Variants in MCCC1 observed in about 807,000 individuals in gnomAD.
MCCC1 encodes the protein methylcrotonoyl-CoA carboxylase subunit alpha, mitochondrial.
Under a neutral mutation model 83.8 loss-of-function variants are expected in MCCC1, and 64 were observed. That is an observed-to-expected ratio of 0.76 (90% confidence interval 0.62 to 0.94). MCCC1 has a LOEUF of 0.94. MCCC1 is among the 40% of genes least tolerant of loss of function. MCCC1 has a pLI of 0.00. For synonymous variants in MCCC1, 322 were observed against 315.4 expected (o/e 1.02, Z -0.22); for missense variants, 807 against 904.7 (o/e 0.89, Z 1.39).
Position 183,105,689 on chromosome 3 carries a change from G to A in MCCC1, c.-102+9785C>T, listed in dbSNP as rs1316677389. ...CATAATCAAAAAGGAGTCACTAATG[G>A]TAAAAAAGAAGAAAGAAAAAAAAAA... On this transcript the variant is annotated intron_variant, in intron 1 of 17. Coordinates refer to the MCCC1 transcript ENST00000492597. Among the ~76,000 whole-genome samples the A allele has an allele frequency of 2.0e-5, 3 of 151,686 alleles. No homozygotes were observed. The East Asian group carries it at 5.8e-4, about 29-fold the overall frequency.
At chr3:183,034,470 C>A (rs6443843) in intron 13 of MCCC1, among the ~76,000 whole-genome samples, 114,537 of 132,482 alleles carry the variant, frequency 0.86, 50,204 homozygotes, top group East Asian at 0.98. Flanking sequence ...AAAAAAAAAA[C>A]AAAAAAACAC....
chr3:183,040,801 G>A (rs1347701284), intron 11 of MCCC1, among the ~76,000 whole-genome samples: 1 of 152,130 alleles, frequency 6.6e-6, no homozygotes, highest in African/African-American at 2.4e-5. Context: ...TCTTACCCCT[G>A]AGAATTGCTA....
intron 5 of MCCC1, 29 bp downstream of exon 5, chr3:183,072,337 G>T (rs745875604): frequency 6.2e-7 from 1 of 1,611,858 alleles, no homozygotes; most frequent in South Asian, 1.1e-5. Flanking sequence ...CCTTCATACA[G>T]TTATATTTTA....
intron 16 of MCCC1, 73 bp from the exon 17 acceptor site, chr3:183,020,310 A>G: frequency 8.3e-7 from 1 of 1,205,770 alleles, no homozygotes; most frequent in Non-Finnish European, 1.2e-6. Flanking sequence ...ACCTGAGGTA[A>G]TAATTGTTTC....
At chr3:183,039,945 A>G (rs776096103) in intron 11 of MCCC1, among the ~76,000 whole-genome samples, 87 of 151,746 alleles carry the variant, frequency 5.7e-4, no homozygotes, top group Non-Finnish European at 1.1e-3. Context: ...AAATACAAAA[A>G]ATTAGCCGGG....
At chr3:183,017,600 CAG>C in intron 17 of MCCC1, 1 of 481,926 alleles carries the variant, frequency 2.1e-6, no homozygotes, top group Non-Finnish European at 3.7e-6. Flanking sequence ...CTGGTCAAAT[CAG>C]AGGCCTACAG....
chr3:183,034,943 AAC>A (rs1236480983), intron 13 of MCCC1, among the ~76,000 whole-genome samples: 7 of 152,004 alleles, frequency 4.6e-5, no homozygotes, highest in Non-Finnish European at 8.8e-5. Context: ...ACAGCTGGCT[AAC>A]TTTTCTATTT....
chr3:183,071,451 G>A (rs1444490745), intron 5 of MCCC1, 94 bp from the exon 6 acceptor site: 1 of 1,560,030 alleles, frequency 6.4e-7, no homozygotes. Context: ...AAATTACAAT[G>A]GAACTCTTTA....
chr3:183,059,191 C>A (rs1715646941), intron 7 of MCCC1, among the ~76,000 whole-genome samples: 1 of 152,154 alleles, frequency 6.6e-6, no homozygotes, highest in South Asian at 2.1e-4. Flanking sequence ...CCTGTAATCC[C>A]AGCTAATCAG....
At chr3:183,103,939 G>A (rs555543246), upstream of MCCC1, among the ~76,000 whole-genome samples, 4 of 152,334 alleles carry the variant, frequency 2.6e-5, no homozygotes, top group South Asian at 8.3e-4. Flanking sequence ...AGCGCCGGTG[G>A]GCCGGCACTG....
intron 9 of MCCC1, 66 bp from the exon 10 acceptor site, chr3:183,045,606 T>G: frequency 6.4e-7 from 1 of 1,554,678 alleles, no homozygotes; most frequent in Non-Finnish European, 8.9e-7. Context: ...AAATCTTCCA[T>G]GATGCATCAC....
intron 9 of MCCC1, among the ~76,000 whole-genome samples, chr3:183,051,056 T>C (rs1714938019): frequency 6.6e-6 from 1 of 152,220 alleles, no homozygotes. Flanking sequence ...AGGAAACCTC[T>C]TTTGTTGCTG....
intron 14 of MCCC1, among the ~76,000 whole-genome samples, chr3:183,027,265 C>G (rs1712688572): frequency 6.6e-6 from 1 of 152,138 alleles, no homozygotes; most frequent in Non-Finnish European, 1.5e-5. Flanking sequence ...TCCCTATTCC[C>G]TGAGGCAATA....
rs558027505 is a variant in MCCC1, at chr3:183,087,367, G to C, written c.274-579C>G. Among the ~76,000 whole-genome samples, 10 of 152,330 alleles carry C rather than the reference G, an allele frequency of 6.6e-5. No individual in the cohort carries two copies. The South Asian group carries it at 8.3e-4, about 13-fold the overall frequency. On this transcript the variant is annotated intron_variant, in intron 3 of 18. Transcript: ENST00000265594. ...GAAGGCCTACTACGTGCCACACTTT[G>C]AGGTGGGAGCTGCCTGTACCATAGT...
intron 13 of MCCC1, 62 bp downstream of exon 13, chr3:183,037,156 A>T (rs1713678474): frequency 6.7e-7 from 1 of 1,497,846 alleles, no homozygotes; most frequent in Non-Finnish European, 9.3e-7. Context: ...CAGAAAGAAA[A>T]GCATGTTCAA....
chr3:183,103,309 T>A (rs148973779), upstream of MCCC1, among the ~76,000 whole-genome samples: 1 of 152,248 alleles, frequency 6.6e-6, no homozygotes, highest in South Asian at 2.1e-4. Flanking sequence ...CTACTCGCTC[T>A]GGGCAGCCTG....
At chr3:183,115,183 T>C (rs926863635) in intron 1 of MCCC1, among the ~76,000 whole-genome samples, 1 of 152,158 alleles carries the variant, frequency 6.6e-6, no homozygotes, top group African/African-American at 2.4e-5. Context: ...CTAGCATGTC[T>C]TCTGACCTTA....
chr3:183,039,518 G>A (rs925964033), intron 11 of MCCC1, among the ~76,000 whole-genome samples: 6 of 151,710 alleles, frequency 4.0e-5, no homozygotes, highest in South Asian at 4.2e-4. Context: ...TTCAGTTTCC[G>A]TACTAGTCAA....
At chr3:183,088,711 T>A (rs181623037) in intron 3 of MCCC1, among the ~76,000 whole-genome samples, 212 of 152,296 alleles carry the variant, frequency 1.4e-3, no homozygotes, top group African/African-American at 4.8e-3. Flanking sequence ...ACACATGCAG[T>A]TTTAGTTCTT....
Sources: allele counts gnomAD v4.1 joint callset (sites outside exome capture counted in the v4.1 genomes callset), GRCh38; gene constraint gnomAD v4.1.1; transcripts MANE v1.5; gene names NCBI Gene and HGNC (gene_info 2026-07-23, HGNC 2026-07-21).